The following TGFB3 variants were observed in gnomAD, a reference collection of about 807,000 sequenced individuals.
The protein encoded by TGFB3 is transforming growth factor beta 3.
Under a neutral mutation model 40.1 loss-of-function variants are expected in TGFB3, and 5 were observed. The observed-to-expected ratio is 0.12, with a 90% CI of 0.07 to 0.26. TGFB3 has a LOEUF of 0.26. Among genes scored for constraint, TGFB3 ranks in the 10% least tolerant of loss-of-function variants. TGFB3 has a pLI of 1.00. For synonymous variants in TGFB3, 184 were observed against 205.6 expected (o/e 0.89, Z 0.90); for missense variants, 373 against 530.1 (o/e 0.70, Z 2.91).
chr14:75,974,067 G>A (rs2140247957), intron 1 of TGFB3, among the ~76,000 whole-genome samples: 1 of 152,158 alleles, frequency 6.6e-6, no homozygotes. Context: ...TTGAACCCAG[G>A]AGGCAGAGGT....
In TGFB3 at chr14:75,971,806, C is replaced by T. The variant is rs891580822; in HGVS notation, c.353-88G>A. ...CAACGGACAGGCACCAAGTGGCCAC[C>T]GTCCCGCCTGCCACCTCCCTAGAGG... On this transcript the variant is annotated intron_variant, in intron 1 of 6. Transcript: ENST00000238682. This position sits in a 1 kb window ranked among gnomAD's most constrained non-coding sequence, Gnocchi z 4.5. The T allele has an allele frequency of 7.4e-6, 11 of 1,487,090 alleles. No individual in the cohort carries two copies. The highest frequency in any genetic ancestry group is 2.8e-5 in the African/African-American group (2 of 72,472). 92.1% of individuals were successfully genotyped at this position (1,487,090 alleles called of 1,614,324 possible). A position where few individuals can be genotyped will look rare whatever the true frequency, so the allele number is the denominator to read the frequency against.
chr14:75,961,172 C>A, intron 5 of TGFB3, 96 bp from the exon 6 acceptor site: 1 of 1,422,448 alleles, frequency 7.0e-7, no homozygotes. Context: ...TCCTTTCATG[C>A]CATCATAGGT....
rs1244258014 is a variant in TGFB3 at position 75,979,960 on chromosome 14, C to T, written c.352+582G>A. Among the ~76,000 whole-genome samples, 7 of 152,212 alleles carry T rather than the reference C, an allele frequency of 4.6e-5. No homozygotes were observed. Among genetic ancestry groups the T allele is most frequent in the African/African-American group, 1.4e-4 (6 of 41,462 alleles). ...CAGCTCACGTGGGTCTCGTGGGTCA[C>T]GTGGGTGGGGTAGACCAAAGGGCCC... is the stretch of plus-strand genomic sequence containing the variant. On this transcript the variant is annotated intron_variant, in intron 1 of 6. Coordinates refer to ENST00000238682, the MANE Select transcript of TGFB3 (RefSeq NM_003239.5). The surrounding 1 kb of genome is among the most constrained non-coding windows in gnomAD (Gnocchi z 4.8).
At chr14:75,962,697 A>G (rs1348147199) in intron 5 of TGFB3, among the ~76,000 whole-genome samples, 1 of 152,166 alleles carries the variant, frequency 6.6e-6, no homozygotes, top group Admixed American at 6.5e-5. Flanking sequence ...CATGGGCGTG[A>G]TCATCTTCTC....
rs1353782662 is a variant in TGFB3, at chr14:75,978,259, C to T, written c.352+2283G>A. On this transcript the variant is annotated intron_variant, in intron 1 of 6. Transcript: ENST00000238682. This position sits in a 1 kb window ranked among gnomAD's most constrained non-coding sequence, Gnocchi z 5.0. ...GCCCCACCACAGACCTGGTGTCACC[C>T]CTGTCTGCCCTCATGAGTTAAAGAC... 1.3e-5 allele frequency among the ~76,000 whole-genome samples: 2 copies of T among 152,144 alleles called. No homozygotes were observed. Among genetic ancestry groups the T allele is most frequent in the South Asian group, 2.1e-4 (1 of 4,826 alleles).
At position 75,958,704 on chromosome 14, in the gene TGFB3, T is replaced by TAA. The variant is rs199646113; in HGVS notation, c.*481_*482dup. ...GGACTTTGTCTTCGTAACCTGTCTTTAAAAAAAAAAAAAAAATGCTTGCCT... is the reference window on the plus strand; with the variant it reads ...GGACTTTGTCTTCGTAACCTGTCTTTAAAAAAAAAAAAAAAAAATGCTTGCCT... On this transcript the variant is annotated 3_prime_UTR_variant, in exon 7 of 7. Transcript: ENST00000238682. 71 of 174,238 alleles carry TAA rather than the reference T, an allele frequency of 4.1e-4. No homozygotes were observed. The highest frequency in any genetic ancestry group is 2.4e-3 in the Middle Eastern group (1 of 412). The allele number at this position is 174,238 out of a possible 1,614,324, so 10.8% of individuals were successfully genotyped here.
At chr14:75,961,790 C>T (rs2035159171) in intron 5 of TGFB3, among the ~76,000 whole-genome samples, 1 of 152,160 alleles carries the variant, frequency 6.6e-6, no homozygotes, top group Admixed American at 6.5e-5. Flanking sequence ...GTTATCTATT[C>T]AATAACCATT....
chr14:75,968,568 T>A (rs2035249209), intron 3 of TGFB3, among the ~76,000 whole-genome samples: 1 of 152,152 alleles, frequency 6.6e-6, no homozygotes, highest in African/African-American at 2.4e-5. Context: ...GTGGAGCTGA[T>A]CAAAATCAGA....
At position 75,980,574 on chromosome 14, in the gene TGFB3, T is replaced by G; in HGVS notation, c.320A>C (p.Lys107Thr). The change falls in exon 1 of 7, where the codon AAA becomes ACA. Residue 107 changes from lysine to threonine, a missense_variant. Transcript: ENST00000238682. The surrounding 1 kb of genome is among the most constrained non-coding windows in gnomAD (Gnocchi z 4.3). ...CGCCAGCCCCTGGATCATGTCGAAT[T>G]TATGGATTTCTTTGGCATAGTATTC... The part of the protein sequence containing the change: ...ESEYYAKEIH[K>T]FDMIQGLAEH... 6.2e-7 allele frequency: 1 copy of G among 1,614,184 alleles called. No individual in the cohort carries two copies. Among genetic ancestry groups the G allele is most frequent in the Non-Finnish European group, 8.5e-7 (1 of 1,180,036 alleles).
chr14:75,978,568 C>G lies in TGFB3; in HGVS notation c.352+1974G>C, dbSNP rs560458994. Among the ~76,000 whole-genome samples, 1 of 152,374 alleles carries G rather than the reference C, an allele frequency of 6.6e-6. No individual in the cohort carries two copies. The highest frequency in any genetic ancestry group is 1.5e-5 in the Non-Finnish European group (1 of 68,038). On this transcript the variant is annotated intron_variant, in intron 1 of 6. Coordinates refer to ENST00000238682, the MANE Select transcript of TGFB3 (RefSeq NM_003239.5). This position sits in a 1 kb window ranked among gnomAD's most constrained non-coding sequence, Gnocchi z 5.0. ...CCTCCCCAGCATCCTGAACAGCATC[C>G]TGCTCACTGTGCTGGGTTGCCCCAG...
upstream of TGFB3, among the ~76,000 whole-genome samples, chr14:75,982,366 G>A (rs1331708765): frequency 6.6e-6 from 1 of 152,162 alleles, no homozygotes; most frequent in Non-Finnish European, 1.5e-5. The surrounding 1 kb of genome is among the most constrained non-coding windows in gnomAD (Gnocchi z 4.0). Flanking sequence ...GGGGCCGCCC[G>A]CGGGCCAGGC....
At chr14:75,963,874 A>ATTTGTTTG (rs34331340) in intron 4 of TGFB3, among the ~76,000 whole-genome samples, 2,547 of 151,588 alleles carry the variant, frequency 0.017, 65 homozygotes, top group African/African-American at 0.058. Context: ...CGGCTTGTTT[A>ATTTGTTTG]TTTGTTTGTT....
chr14:75,971,397 T>C lies in TGFB3; in HGVS notation c.517-142A>G. ...GGCCCTCGAGCACCTTAGCTAACTC[T>C]TAAGTGTTTTAATGACAGACACAGA... On this transcript the variant is annotated intron_variant, in intron 2 of 6. Transcript: ENST00000238682. This position sits in a 1 kb window ranked among gnomAD's most constrained non-coding sequence, Gnocchi z 4.5. 4 of 1,515,748 alleles carry C rather than the reference T, an allele frequency of 2.6e-6. No individual in the cohort carries two copies. The highest frequency in any genetic ancestry group is 2.4e-5 in the South Asian group (2 of 84,872). The allele number at this position is 1,515,748 out of a possible 1,614,324, so 93.9% of individuals were successfully genotyped here. A position where few individuals can be genotyped will look rare whatever the true frequency, so the allele number is the denominator to read the frequency against.
chr14:75,964,959 C>T (rs1388436701), intron 4 of TGFB3, among the ~76,000 whole-genome samples: 2 of 152,222 alleles, frequency 1.3e-5, no homozygotes, highest in African/African-American at 4.8e-5. Context: ...GAAAAGAGAA[C>T]TTCCCTGAAC....
In TGFB3 at chr14:75,958,230, C is replaced by G. The variant is rs948938773; in HGVS notation, c.*957G>C. ...TTCATACTTGTCTTTATACCTCAGT[C>G]TATGCGTCTGGGGCCAAGTCACTGT... On this transcript the variant is annotated 3_prime_UTR_variant, in exon 7 of 7. Transcript: ENST00000238682. 1.3e-5 allele frequency: 2 copies of G among 152,656 alleles called. No homozygotes were observed. Among genetic ancestry groups the G allele is most frequent in the African/African-American group, 2.4e-5 (1 of 41,450 alleles). 9.5% of individuals were successfully genotyped at this position (152,656 alleles called of 1,614,324 possible). A position where few individuals can be genotyped will look rare whatever the true frequency, so the allele number is the denominator to read the frequency against.
intron 1 of TGFB3, among the ~76,000 whole-genome samples, chr14:75,974,055 G>A (rs1179786163): frequency 6.6e-6 from 1 of 151,556 alleles, no homozygotes; most frequent in African/African-American, 2.4e-5. Context: ...CAGGAGAATC[G>A]CTTGAACCCA....
rs977277248 is a variant in TGFB3 at position 75,980,272 on chromosome 14, A to G, written c.352+270T>C. Among the ~76,000 whole-genome samples the G allele has an allele frequency of 2.6e-5, 4 of 152,234 alleles. No individual in the cohort carries two copies. Among genetic ancestry groups the G allele is most frequent in the Non-Finnish European group, 4.4e-5 (3 of 68,044 alleles). Reference sequence around the variant, plus strand: ...CAGCACAATGTAATTCCAAATTAAAATCAGTCAAGGATGTGATGTGAATTC... The same window carrying G: ...CAGCACAATGTAATTCCAAATTAAAGTCAGTCAAGGATGTGATGTGAATTC... On this transcript the variant is annotated intron_variant, in intron 1 of 6. Transcript: ENST00000238682. The surrounding 1 kb of genome is among the most constrained non-coding windows in gnomAD (Gnocchi z 4.3).
Position 75,971,601 on chromosome 14 carries a change from G to A in TGFB3, c.470C>T (p.Pro157Leu). ...CTCATTCCGCTTAGAGCTGGGGTTG[G>A]GCACCCGCAAGACCCGGAATTCTGC... ...FRAEFRVLRV[P>L]NPSSKRNEQR... is the part of the protein sequence containing the mutation. Residue 157 changes from proline to leucine, a missense_variant, in exon 2 of 7, where the codon CCC becomes CTC. By Grantham distance (98) the Pro-to-Leu change is moderately conservative. Transcript: ENST00000238682. The surrounding 1 kb of genome is among the most constrained non-coding windows in gnomAD (Gnocchi z 4.5). The A allele has an allele frequency of 6.2e-7, 1 of 1,614,206 alleles. No homozygotes were observed. Among genetic ancestry groups the A allele is most frequent in the South Asian group, 1.1e-5 (1 of 91,082 alleles).
At chr14:75,977,254 A>G (rs1408656700) in intron 1 of TGFB3, among the ~76,000 whole-genome samples, 1 of 152,192 alleles carries the variant, frequency 6.6e-6, no homozygotes, top group African/African-American at 2.4e-5. Context: ...ACAGATAATT[A>G]CAAGCCAGAA....
Sources: gnomAD v4.1 joint callset for allele counts (sites outside exome capture counted in the v4.1 genomes callset) on GRCh38, gnomAD v4.1.1 for gene constraint, Gnocchi (gnomAD v3.1) non-coding constraint, MANE v1.5 for transcripts, NCBI Gene and HGNC (gene_info 2026-07-23, HGNC 2026-07-21) for gene names.